The following SMYD3 variants were observed in gnomAD, a reference collection of about 807,000 sequenced individuals.
SMYD3 encodes histone-lysine N-methyltransferase SMYD3.
SMYD3 carries 36 observed loss-of-function variants against 57.7 expected under a neutral mutation model. The observed-to-expected ratio is 0.62, with a 90% CI of 0.48 to 0.82. The LOEUF (loss-of-function observed/expected upper bound fraction) is 0.82. Ranked by LOEUF, SMYD3 falls within the 40% of genes least tolerant of loss-of-function variation. The probability of loss-of-function intolerance (pLI) is 0.00; values close to 1 mark genes in which losing one functional copy is unlikely to be tolerated. For synonymous variants in SMYD3, 211 were observed against 195.0 expected, an observed-to-expected ratio of 1.08 and a Z score of -0.68; for missense variants, 515 against 538.8, an observed-to-expected ratio of 0.96 and a Z score of 0.44.
chr1:246,477,091 A>G (rs542074252), intron 1 of SMYD3, among the ~76,000 whole-genome samples: 2 of 152,294 alleles, frequency 1.3e-5, no homozygotes, highest in African/African-American at 4.8e-5. Context: ...TCTTCTTTCA[A>G]TCTAGACCAA....
At chr1:246,385,689 A>G (rs540577914) in intron 1 of SMYD3, among the ~76,000 whole-genome samples, 2 of 152,346 alleles carry the variant, frequency 1.3e-5, no homozygotes, top group South Asian at 4.1e-4. Context: ...AAGAAATGAA[A>G]TGGACATGGA....
At chr1:246,273,076 C>A (rs1362883626) in intron 5 of SMYD3, among the ~76,000 whole-genome samples, 3 of 145,102 alleles carry the variant, frequency 2.1e-5, no homozygotes, top group Non-Finnish European at 4.4e-5. Flanking sequence ...ACAACTCTTC[C>A]TAATGCCCTC....
intron 5 of SMYD3, among the ~76,000 whole-genome samples, chr1:246,135,985 T>C (rs1448726425): frequency 6.6e-6 from 1 of 152,198 alleles, no homozygotes; most frequent in Admixed American, 6.5e-5. Context: ...AAGAAAACAA[T>C]GTGAGAAAAG....
chr1:245,933,103 T>C (rs1398324194), intron 5 of SMYD3, among the ~76,000 whole-genome samples: 1 of 152,204 alleles, frequency 6.6e-6, no homozygotes, highest in African/African-American at 2.4e-5. Flanking sequence ...GTGTGCTCAA[T>C]AATTTGAAAG....
Position 246,475,865 on chromosome 1 carries a change from C to G in SMYD3, c.164+31189G>C, listed in dbSNP as rs570079867. Among the ~76,000 whole-genome samples the G allele has an allele frequency of 5.3e-5, 8 of 152,148 alleles. 1 individual carries two copies. In the South Asian group the frequency reaches 1.7e-3, roughly 32 times the overall value. On this transcript the variant is annotated intron_variant, in intron 1 of 11. Coordinates refer to ENST00000490107, the MANE Select transcript of SMYD3 (RefSeq NM_001167740.2). ...CCTGAGCTCAAGCAATTCACCCACC[C>G]TGGCCACCAAAAGTGCTAGTATTAC...
At chr1:245,817,018 G>T (rs945959685) in intron 10 of SMYD3, among the ~76,000 whole-genome samples, 4 of 151,536 alleles carry the variant, frequency 2.6e-5, no homozygotes, top group African/African-American at 7.3e-5. Context: ...AAAGCAGCCG[G>T]GAAGCTCGAA....
At chr1:246,034,271 A>T (rs1486339217) in intron 5 of SMYD3, among the ~76,000 whole-genome samples, 1 of 152,190 alleles carries the variant, frequency 6.6e-6, no homozygotes, top group Non-Finnish European at 1.5e-5. Flanking sequence ...TTTCCCTATG[A>T]ATCTGAACTT....
intron 5 of SMYD3, among the ~76,000 whole-genome samples, chr1:246,022,229 A>T (rs888869801): frequency 6.6e-6 from 1 of 152,250 alleles, no homozygotes; most frequent in Non-Finnish European, 1.5e-5. Flanking sequence ...AATTGTTTTC[A>T]AAAACCAGGT....
At chr1:246,239,432 A>C (rs112958875) in intron 5 of SMYD3, among the ~76,000 whole-genome samples, 31,567 of 152,014 alleles carry the variant, frequency 0.21, 3,997 homozygotes, top group East Asian at 0.58. Flanking sequence ...TGAACTCATC[A>C]TTTTTTATGG....
At chr1:245,871,903 G>A (rs1336782967) in intron 8 of SMYD3, among the ~76,000 whole-genome samples, 1 of 152,172 alleles carries the variant, frequency 6.6e-6, no homozygotes, top group African/African-American at 2.4e-5. Flanking sequence ...AAAAAATGGT[G>A]GAGGAGGGAG....
chr1:245,993,840 G>A (rs1033302379), intron 5 of SMYD3, among the ~76,000 whole-genome samples: 21 of 152,258 alleles, frequency 1.4e-4, no homozygotes, highest in African/African-American at 5.1e-4. Flanking sequence ...TTTCACAACA[G>A]TGGGAATGTA....
chr1:245,880,637 A>G (rs914780207), intron 8 of SMYD3, among the ~76,000 whole-genome samples: 10 of 152,236 alleles, frequency 6.6e-5, no homozygotes, highest in African/African-American at 2.4e-4. Flanking sequence ...TGAGAAAGAC[A>G]GGTTAACCTC....
chr1:246,102,499 C>T (rs1271612575), intron 5 of SMYD3, among the ~76,000 whole-genome samples: 1 of 152,130 alleles, frequency 6.6e-6, no homozygotes, highest in Non-Finnish European at 1.5e-5. Flanking sequence ...TTCTCACATG[C>T]CATATAGAAC....
At chr1:246,187,955 A>G (rs1481123583) in intron 5 of SMYD3, among the ~76,000 whole-genome samples, 1 of 152,028 alleles carries the variant, frequency 6.6e-6, no homozygotes, top group Non-Finnish European at 1.5e-5. Flanking sequence ...CCTCACGTGC[A>G]CTGAGGGCCG....
At chr1:245,920,857 A>T (rs2055872486) in intron 7 of SMYD3, among the ~76,000 whole-genome samples, 1 of 152,204 alleles carries the variant, frequency 6.6e-6, no homozygotes, top group South Asian at 2.1e-4. Context: ...AACCTAAGAA[A>T]CACCATTCTG....
At chr1:246,335,992 ACT>A (rs2065537685) in intron 2 of SMYD3, among the ~76,000 whole-genome samples, 2 of 152,240 alleles carry the variant, frequency 1.3e-5, no homozygotes, top group Admixed American at 1.3e-4. Context: ...CATAAAAAGA[ACT>A]ATTAGCTAAA....
At chr1:246,285,828 AG>A (rs2064549907) in intron 5 of SMYD3, among the ~76,000 whole-genome samples, 1 of 152,200 alleles carries the variant, frequency 6.6e-6, no homozygotes, top group South Asian at 2.1e-4. Flanking sequence ...AAGTGGGCTA[AG>A]GATACGAATA....
chr1:246,268,231 C>T (rs571465640), intron 5 of SMYD3, among the ~76,000 whole-genome samples: 5 of 152,202 alleles, frequency 3.3e-5, no homozygotes, highest in South Asian at 2.1e-4. Flanking sequence ...GTAAAGAAGC[C>T]GGACAAATCA....
At chr1:246,436,302 A>G (rs765015625) in intron 1 of SMYD3, among the ~76,000 whole-genome samples, 3 of 152,232 alleles carry the variant, frequency 2.0e-5, no homozygotes, top group Non-Finnish European at 2.9e-5. Flanking sequence ...AAAGTGAACT[A>G]AAAGTTACAA....
Sources: allele counts gnomAD v4.1 joint callset (sites outside exome capture counted in the v4.1 genomes callset), GRCh38; gene constraint gnomAD v4.1.1; transcripts MANE v1.5; gene names NCBI Gene and HGNC (gene_info 2026-07-23, HGNC 2026-07-21).